SETDB1: variants seen among roughly 807,000 people sequenced by gnomAD.
The protein encoded by SETDB1 is histone-lysine N-methyltransferase SETDB1.
Under a neutral mutation model 137.4 loss-of-function variants are expected in SETDB1, and 31 were observed. That is an observed-to-expected ratio of 0.23 (90% CI 0.17 to 0.30). SETDB1 has a LOEUF of 0.30. Among genes scored for constraint, SETDB1 ranks in the 10% least tolerant of loss-of-function variants. SETDB1 has a pLI of 1.00. For missense variants in SETDB1, 1,113 were observed against 1,631.5 expected (o/e 0.68, Z 5.47); for synonymous variants, 548 against 579.9 (o/e 0.95, Z 0.79).
Position 150,950,571 on chromosome 1 carries a change from G to A in SETDB1, c.1697G>A (p.Arg566His), listed in dbSNP as rs1222977912. 9 of 1,613,964 alleles carry A rather than the reference G, an allele frequency of 5.6e-6. No individual in the cohort carries two copies. Among genetic ancestry groups the A allele is most frequent in the South Asian group, 1.1e-5 (1 of 91,082 alleles). ...LERAPAEPSY[R>H]APMEKLFYLP... ...CGGGCCCCAGCAGAGCCCTCCTACC[G>A]TGCTCCCATGGAGAAGCTTTTCTAC... The change falls in exon 13 of 22, where the codon CGT becomes CAT. Residue 566 changes from arginine to histidine, a missense_variant. Physicochemically the swap from Arg to His is conservative, Grantham distance 29 (BLOSUM62 0). Transcript: ENST00000692827.
chr1:150,960,508 A>G, intron 15 of SETDB1, 55 bp from the exon 16 acceptor site: 1 of 1,484,086 alleles, frequency 6.7e-7, no homozygotes, highest in Non-Finnish European at 9.0e-7. Context: ...AAACAAAAAA[A>G]AAAACTAATA....
chr1:150,930,031 G>A lies in SETDB1; in HGVS notation c.325G>A (p.Asp109Asn). 1 of 1,613,900 alleles carries A rather than the reference G, an allele frequency of 6.2e-7. No individual in the cohort carries two copies. Among genetic ancestry groups the A allele is most frequent in the South Asian group, 1.1e-5 (1 of 91,076 alleles). ...CTCCAAGCTGGGACTACAATACCGG[G>A]ACAGTAGCTCTGAGGACGAATCTTC... is the stretch of plus-strand genomic sequence containing the variant. ...FYSKLGLQYR[D>N]SSSEDESSRP... The change falls in exon 3 of 22, where the codon GAC (aspartate) becomes AAC (asparagine). Residue 109 changes from aspartate (D) to asparagine (N), a missense_variant. Asp to Asn is a conservative substitution (Grantham distance 23). Coordinates refer to ENST00000692827, the MANE Select transcript of SETDB1 (RefSeq NM_001366418.1).
Position 150,959,944 on chromosome 1 carries a change from A to G in SETDB1, c.2503+597A>G, listed in dbSNP as rs969781637. 3.9e-5 allele frequency among the ~76,000 whole-genome samples: 6 copies of G among 151,906 alleles called. No homozygotes were observed. The East Asian group carries it at 1.2e-3, about 30-fold the overall frequency. On this transcript the variant is annotated intron_variant, in intron 15 of 21. Coordinates refer to ENST00000692827, the MANE Select transcript of SETDB1 (RefSeq NM_001366418.1). ...AAAAATTAGCCAGGTGTGGTGGTGG[A>G]TGCCTGTAATCCCAGCTACTTGGGA...
intron 3 of SETDB1, among the ~76,000 whole-genome samples, chr1:150,931,822 T>G (rs1367271294): frequency 3.3e-5 from 5 of 150,970 alleles, no homozygotes; most frequent in African/African-American, 1.2e-4. Flanking sequence ...TAGCAGTAGG[T>G]TTTCTATAGA....
intron 14 of SETDB1, among the ~76,000 whole-genome samples, chr1:150,957,634 T>C (rs746248984): frequency 6.6e-6 from 1 of 152,252 alleles, no homozygotes; most frequent in Non-Finnish European, 1.5e-5. Context: ...AACTGTGTTA[T>C]CTTCCTTTAA....
rs767453780 is a variant in SETDB1 at position 150,959,165 on chromosome 1, A to G, written c.2334-13A>G. 1.3e-6 allele frequency: 2 copies of G among 1,524,766 alleles called. No homozygotes were observed. The highest frequency in any genetic ancestry group is 1.7e-6 in the Non-Finnish European group (2 of 1,143,088). 94.5% of individuals were successfully genotyped at this position (1,524,766 alleles called of 1,614,324 possible). On this transcript the variant is annotated splice_polypyrimidine_tract_variant and intron_variant, in intron 14 of 21. Transcript: ENST00000692827. ...ATCATACCGTGATTGATTTTATTCTAACCTCCTCCCAGGGTATATGAGTGT... is the reference window on the plus strand; with the variant it reads ...ATCATACCGTGATTGATTTTATTCTGACCTCCTCCCAGGGTATATGAGTGT...
intron 3 of SETDB1, among the ~76,000 whole-genome samples, chr1:150,934,477 AAT>A (rs1014546024): frequency 2.0e-5 from 3 of 151,764 alleles, no homozygotes; most frequent in African/African-American, 7.3e-5. Context: ...CATCTCAAAA[AAT>A]ATATATATAT....
At chr1:150,945,821 T>G (rs929434655) in intron 9 of SETDB1, among the ~76,000 whole-genome samples, 1 of 152,086 alleles carries the variant, frequency 6.6e-6, no homozygotes, top group African/African-American at 2.4e-5. Context: ...CCTCCTGGGT[T>G]CAAGTGATTC....
intron 3 of SETDB1, among the ~76,000 whole-genome samples, chr1:150,936,248 C>T (rs1669942754): frequency 6.6e-6 from 1 of 152,206 alleles, no homozygotes; most frequent in Non-Finnish European, 1.5e-5. Flanking sequence ...CTCGGCCTCC[C>T]AAAGTGCTGG....
rs1011176223 is a variant in SETDB1 at position 150,927,618 on chromosome 1, A to G, written c.-11-86A>G. On this transcript the variant is annotated intron_variant, in intron 1 of 21. Coordinates refer to ENST00000692827, the MANE Select transcript of SETDB1 (RefSeq NM_001366418.1). ...TAGAATAACAGGCAGCAGAGTAGGA[A>G]TTAGTTTTATTAGGGAACTGAAATT... 2.6e-5 allele frequency: 30 copies of G among 1,172,562 alleles called. No individual in the cohort carries two copies. In the African/African-American group the frequency reaches 4.0e-4, roughly 15 times the overall value. 72.6% of individuals were successfully genotyped at this position (1,172,562 alleles called of 1,614,324 possible). A position where few individuals can be genotyped will look rare whatever the true frequency, so the allele number is the denominator to read the frequency against.
intron 16 of SETDB1, 85 bp from the exon 17 acceptor site, chr1:150,962,045 T>G: frequency 1.3e-6 from 2 of 1,496,822 alleles, no homozygotes; most frequent in Non-Finnish European, 1.9e-6. Context: ...GCTGATGTTA[T>G]CTGTGGAGGT....
intron 14 of SETDB1, among the ~76,000 whole-genome samples, chr1:150,956,952 A>C (rs1571657148): frequency 6.6e-6 from 1 of 152,166 alleles, no homozygotes; most frequent in East Asian, 1.9e-4. Context: ...TTGTCTCTAC[A>C]AAAAAAGTTT....
chr1:150,941,365 C>A lies in SETDB1; in HGVS notation c.484C>A (p.Gln162Lys). ...TATGGCTGCCTTAAGAAAGTCAGCT[C>A]AAGATGTTCAGAAGTTCATGGATGC... ...EAMAALRKSA[Q>K]DVQKFMDAVN... The change falls in exon 5 of 22, where the codon CAA becomes AAA. Residue 162 changes from glutamine to lysine, a missense_variant. Transcript: ENST00000692827. The A allele has an allele frequency of 6.2e-7, 1 of 1,613,674 alleles. No homozygotes were observed. Among genetic ancestry groups the A allele is most frequent in the South Asian group, 1.1e-5 (1 of 91,048 alleles).
chr1:150,954,185 G>GCTA (rs1303669270), intron 14 of SETDB1, among the ~76,000 whole-genome samples: 1 of 152,132 alleles, frequency 6.6e-6, no homozygotes, highest in Admixed American at 6.6e-5. Context: ...AGCCGGGCAT[G>GCTA]GTAGATGCAT....
chr1:150,948,632 T>G (rs1311605333), intron 10 of SETDB1, among the ~76,000 whole-genome samples: 1 of 152,156 alleles, frequency 6.6e-6, no homozygotes, highest in East Asian at 1.9e-4. Context: ...AAAGAAAAAG[T>G]ATTATCTAAG....
At chr1:150,963,378 A>G (rs1170338786) in intron 19 of SETDB1, 152 bp from the exon 20 acceptor site, 3 of 830,594 alleles carry the variant, frequency 3.6e-6, no homozygotes, top group Non-Finnish European at 5.8e-6. Flanking sequence ...TGCTTGAAAA[A>G]AAAACCTGCT....
At position 150,940,584 on chromosome 1, in the gene SETDB1, G is replaced by A. The variant is rs1469213568; in HGVS notation, c.447+610G>A. Among the ~76,000 whole-genome samples the A allele has an allele frequency of 6.7e-5, 10 of 148,500 alleles. No homozygotes were observed. In the East Asian group the frequency reaches 1.4e-3, roughly 21 times the overall value. On this transcript the variant is annotated intron_variant, in intron 4 of 21. Coordinates refer to ENST00000692827, the MANE Select transcript of SETDB1 (RefSeq NM_001366418.1). ...CTCTGTCTCAGAAAAAAAAAAAAAAGAGGCTAGGCGTGGTGGCTTACGCCT... is the reference window on the plus strand; with the variant it reads ...CTCTGTCTCAGAAAAAAAAAAAAAAAAGGCTAGGCGTGGTGGCTTACGCCT...
chr1:150,940,300 T>C lies in SETDB1; in HGVS notation c.447+326T>C, dbSNP rs180863710. ...GCAGCTTTGGGCTGGGCACATTGGC[T>C]CACGACTGTAATCCCAGCACTTGGG... is the stretch of plus-strand genomic sequence containing the variant. On this transcript the variant is annotated intron_variant, in intron 4 of 21. Transcript: ENST00000692827. Among the ~76,000 whole-genome samples, 294 of 152,238 alleles carry C rather than the reference T, an allele frequency of 1.9e-3. 3 individuals are homozygous for C. The highest frequency in any genetic ancestry group is 6.9e-3 in the African/African-American group (285 of 41,530).
Position 150,963,643 on chromosome 1 carries a change from G to A in SETDB1, c.3574G>A (p.Ala1192Thr), listed in dbSNP as rs145276744. ...NMASVDKGES[A>T]PVRKNTRQFY... ...GGCCTCTGTGGACAAGGGGGAGAGC[G>A]CACCTGTTCGTAAGAACACACGCCA... Residue 1192 changes from alanine (A) to threonine (T), a missense_variant, in exon 20 of 22, where the codon GCA (alanine) becomes ACA (threonine). Transcript: ENST00000692827. The A allele has an allele frequency of 6.4e-5, 104 of 1,614,006 alleles. 1 individual carries two copies. Among genetic ancestry groups the A allele is most frequent in the South Asian group, 8.8e-5 (8 of 91,084 alleles).
Sources: gnomAD v4.1 joint callset for allele counts (sites outside exome capture counted in the v4.1 genomes callset) on GRCh38, gnomAD v4.1.1 for gene constraint, MANE v1.5 for transcripts, NCBI Gene and HGNC (gene_info 2026-07-23, HGNC 2026-07-21) for gene names.